Variants in STARD7 observed in about 807,000 individuals in gnomAD.
The protein encoded by STARD7 is StAR related lipid transfer domain containing 7, also known as stAR-related lipid transfer protein 7, mitochondrial.
STARD7 carries 30 observed loss-of-function variants against 45.3 expected under a neutral mutation model. The ratio of observed to expected loss-of-function variants is 0.66; its 90% confidence interval spans 0.50 to 0.90. The LOEUF is 0.90. STARD7 is among the 40% of genes least tolerant of loss of function. The pLI is 0.00. For synonymous variants in STARD7, 199 were observed against 183.0 expected (o/e 1.09, Z -0.70); for missense variants, 495 against 491.3 (o/e 1.01, Z -0.07).
In STARD7 at chr2:96,208,158, C is replaced by T; in HGVS notation, c.277G>A (p.Glu93Lys). Residue 93 changes from glutamate to lysine, a missense_variant, in exon 1 of 8, where the codon GAG becomes AAG. Physicochemically the swap from Glu to Lys is moderately conservative, Grantham distance 56. Transcript: ENST00000337288. The stretch of plus-strand genomic sequence containing the variant: ...CGCAGCGCCCACCTCTGCAACTCCT[C>T]CTCCTGGATCCTCTCCTCGTCCCAA... ...FVWDEERIQE[E>K]ELQRSINEMK... 1 of 1,588,080 alleles carries T rather than the reference C, an allele frequency of 6.3e-7. No individual in the cohort carries two copies. The highest frequency in any genetic ancestry group is 8.6e-7 in the Non-Finnish European group (1 of 1,167,824).
At position 96,195,368 on chromosome 2, in the gene STARD7, T is replaced by C. The variant is rs1341083499; in HGVS notation, c.472A>G (p.Thr158Ala). Residue 158 changes from threonine to alanine, a missense_variant, in exon 2 of 8, where the codon ACA (threonine) becomes GCA (alanine). Physicochemically the swap from Thr to Ala is moderately conservative, Grantham distance 58 (BLOSUM62 0). This residue lies in a region of STARD7 where 282 missense variants were observed against 220.1 expected (regional missense o/e 1.28). Coordinates refer to ENST00000337288, the MANE Select transcript of STARD7 (RefSeq NM_020151.4). The part of the protein sequence containing the change: ...KHFKLWRRPI[T>A]GTHLYQYRVF... ...CGGTACTGGTAAAGGTGGGTGCCTG[T>C]AATTGGGCGCCGCCACAGCTTAAAG... 1.9e-6 allele frequency: 3 copies of C among 1,585,442 alleles called. No individual in the cohort carries two copies. Among genetic ancestry groups the C allele is most frequent in the East Asian group, 2.3e-5 (1 of 43,904 alleles).
intron 1 of STARD7, among the ~76,000 whole-genome samples, chr2:96,200,555 T>A (rs576698863): frequency 6.6e-6 from 1 of 152,298 alleles, no homozygotes; most frequent in Non-Finnish European, 1.5e-5. Context: ...GAACCCTAAG[T>A]ATACTTGTAA....
intron 3 of STARD7, 51 bp downstream of exon 3, chr2:96,194,907 A>G: frequency 6.8e-7 from 1 of 1,462,286 alleles, no homozygotes; most frequent in Non-Finnish European, 9.5e-7. Context: ...TGTAGACAGT[A>G]GCAATTGATA....
intron 1 of STARD7, among the ~76,000 whole-genome samples, chr2:96,197,582 G>A (rs1321214928): frequency 6.6e-6 from 1 of 152,202 alleles, no homozygotes; most frequent in East Asian, 1.9e-4. Flanking sequence ...TTTTTAAATT[G>A]ATAAATTCAC....
intron 1 of STARD7, among the ~76,000 whole-genome samples, chr2:96,196,067 C>T (rs1329148050): frequency 6.8e-6 from 1 of 147,390 alleles, no homozygotes; most frequent in Non-Finnish European, 1.5e-5. Flanking sequence ...AAGCCGAGAT[C>T]ACGCCACTGC....
In STARD7 at chr2:96,194,927, G is replaced by C. The variant is rs367727771; in HGVS notation, c.549+31C>G. The C allele has an allele frequency of 6.9e-4, 1,090 of 1,584,036 alleles. 2 individuals are homozygous for C. The highest frequency in any genetic ancestry group is 8.4e-4 in the Non-Finnish European group (970 of 1,159,444). Reference sequence around the variant, plus strand: ...ACAGTAGCAATTGATATGCTAGGAGGCTCCAAATCTGGAGAGAAAAATTAA... The same window carrying C: ...ACAGTAGCAATTGATATGCTAGGAGCCTCCAAATCTGGAGAGAAAAATTAA... On this transcript the variant is annotated intron_variant, in intron 3 of 7. Coordinates refer to ENST00000337288, the MANE Select transcript of STARD7 (RefSeq NM_020151.4).
At position 96,208,782 on chromosome 2, in the gene STARD7, T is replaced by G. The variant is rs74606235; in HGVS notation, c.-348A>C. ...CGCGGACAGAAACGAGACAGACAGC[T>G]CAGGCCCAGCAGCACGCAAGCTCCC... On this transcript the variant is annotated 5_prime_UTR_variant, in exon 1 of 8. Transcript: ENST00000337288. 2,637 of 405,890 alleles carry G rather than the reference T, an allele frequency of 6.5e-3. 119 individuals carry two copies. In the East Asian group the frequency reaches 0.09, roughly 14 times the overall value. The allele number at this position is 405,890 out of a possible 1,614,324, so 25.1% of individuals were successfully genotyped here.
intron 1 of STARD7, among the ~76,000 whole-genome samples, chr2:96,204,090 C>A (rs1050403411): frequency 3.3e-5 from 5 of 152,114 alleles, no homozygotes; most frequent in African/African-American, 9.7e-5. Flanking sequence ...GAATCCCCGT[C>A]TCCACTAAAA....
At chr2:96,201,980 A>G (rs1683311384) in intron 1 of STARD7, among the ~76,000 whole-genome samples, 1 of 152,082 alleles carries the variant, frequency 6.6e-6, no homozygotes, top group Non-Finnish European at 1.5e-5. Flanking sequence ...TAAAGTGAGG[A>G]CGTTATTTCT....
intron 1 of STARD7, among the ~76,000 whole-genome samples, chr2:96,204,969 T>G (rs1263112002): frequency 1.3e-5 from 2 of 152,184 alleles, no homozygotes. Flanking sequence ...TAATGGAACA[T>G]TTTCCCCTAG....
intron 6 of STARD7, among the ~76,000 whole-genome samples, chr2:96,189,693 G>A (rs1224445877): frequency 6.9e-6 from 1 of 144,338 alleles, no homozygotes; most frequent in Non-Finnish European, 1.5e-5. Flanking sequence ...ACAACAGAAC[G>A]AGACTCCGTC....
chr2:96,197,547 AGTAT>A (rs1222780574), intron 1 of STARD7, among the ~76,000 whole-genome samples: 2 of 152,218 alleles, frequency 1.3e-5, no homozygotes, highest in African/African-American at 2.4e-5. Flanking sequence ...TCTTATTATA[AGTAT>A]GTATGTATTT....
At chr2:96,189,218 C>T (rs368886224) in intron 6 of STARD7, among the ~76,000 whole-genome samples, 1 of 152,140 alleles carries the variant, frequency 6.6e-6, no homozygotes, top group East Asian at 1.9e-4. Context: ...CAAAGTGCTG[C>T]GATTACAGGC....
At chr2:96,196,678 G>A (rs1044936466) in intron 1 of STARD7, among the ~76,000 whole-genome samples, 1 of 152,050 alleles carries the variant, frequency 6.6e-6, no homozygotes, top group Admixed American at 6.5e-5. Flanking sequence ...ACCCAGGACG[G>A]TCTCAATCTC....
chr2:96,193,378 TACCCAAGAAG>T (rs1333938227), intron 3 of STARD7, 26 bp from the exon 4 acceptor site: 1 of 1,505,068 alleles, frequency 6.6e-7, no homozygotes, highest in African/African-American at 1.4e-5. Context: ...AGACCATGAA[TACCCAAGAAG>T]ACCCAAAACA....
chr2:96,206,109 A>C (rs1012174489), intron 1 of STARD7, among the ~76,000 whole-genome samples: 2 of 152,202 alleles, frequency 1.3e-5, no homozygotes, highest in Non-Finnish European at 2.9e-5. Flanking sequence ...CAGTCTGACC[A>C]GAGGCTCAGT....
chr2:96,201,690 C>T (rs1166896756), intron 1 of STARD7, among the ~76,000 whole-genome samples: 4 of 151,640 alleles, frequency 2.6e-5, no homozygotes, highest in African/African-American at 9.7e-5. Flanking sequence ...CCCAGCTACT[C>T]AGCAGGCTGA....
At chr2:96,202,441 AC>A (rs1683320999) in intron 1 of STARD7, among the ~76,000 whole-genome samples, 1 of 152,162 alleles carries the variant, frequency 6.6e-6, no homozygotes, top group African/African-American at 2.4e-5. Flanking sequence ...ACAACCAAGA[AC>A]CCTGACCAGC....
Position 96,192,367 on chromosome 2 carries a change from ACCT to A in STARD7, c.842_843+1del. On this transcript the variant is annotated splice_donor_variant and coding_sequence_variant, in exon 6 of 8. Transcript: ENST00000337288. LOFTEE classifies it high-confidence loss of function. ...TTATCTCTTGGATGAGGTAAAACTC[ACCT>A]CATCAAATGACTTGTGGGGACGGAT... 1 of 1,609,660 alleles carries A rather than the reference ACCT, an allele frequency of 6.2e-7. No homozygotes were observed. Among genetic ancestry groups the A allele is most frequent in the Non-Finnish European group, 8.5e-7 (1 of 1,176,052 alleles).
Sources: allele counts gnomAD v4.1 joint callset (sites outside exome capture counted in the v4.1 genomes callset), GRCh38; gene constraint gnomAD v4.1.1; regional missense constraint gnomAD v4.1.1; transcripts MANE v1.5; gene names NCBI Gene and HGNC (gene_info 2026-07-23, HGNC 2026-07-21).